Variants in DNAJC13 observed in about 807,000 individuals in gnomAD.
The protein encoded by DNAJC13 is dnaJ homolog subfamily C member 13.
A neutral mutation model predicts 290.5 loss-of-function variants in DNAJC13; 75 were observed. The observed-to-expected ratio is 0.26, with a 90% CI of 0.21 to 0.31. The LOEUF is 0.31. Among genes scored for constraint, DNAJC13 ranks in the 10% least tolerant of loss-of-function variants. The pLI, the probability that DNAJC13 is intolerant of heterozygous loss-of-function variation, is 1.00. For synonymous variants in DNAJC13, 862 were observed against 892.0 expected, an observed-to-expected ratio of 0.97 and a Z score of 0.60; for missense variants, 2,260 against 2,674.5, an observed-to-expected ratio of 0.85 and a Z score of 3.42.
intron 55 of DNAJC13, among the ~76,000 whole-genome samples, chr3:132,532,684 C>G (rs918711803): frequency 2.0e-5 from 3 of 151,130 alleles, no homozygotes; most frequent in African/African-American, 4.9e-5. Context: ...GCATTACATT[C>G]ATTACTTTTT....
intron 14 of DNAJC13, 53 bp downstream of exon 14, chr3:132,460,410 G>A (rs551319188): frequency 2.2e-5 from 28 of 1,288,068 alleles, no homozygotes; most frequent in South Asian, 1.8e-4. Flanking sequence ...ATTATTGAAA[G>A]ATATTCTAGA....
intron 33 of DNAJC13, among the ~76,000 whole-genome samples, chr3:132,493,150 C>T (rs1286141669): frequency 1.3e-5 from 2 of 151,448 alleles, no homozygotes; most frequent in Non-Finnish European, 2.9e-5. Context: ...TCCTGGCACG[C>T]GTAAGAGGCA....
At chr3:132,516,346 C>T (rs959618155) in intron 46 of DNAJC13, 76 bp from the exon 47 acceptor site, 9 of 1,337,272 alleles carry the variant, frequency 6.7e-6, no homozygotes, top group African/African-American at 2.9e-5. Flanking sequence ...TAGTTAAGTG[C>T]CTGGCACAGA....
intron 20 of DNAJC13, among the ~76,000 whole-genome samples, chr3:132,471,348 C>A (rs1474996520): frequency 1.4e-5 from 2 of 143,220 alleles, no homozygotes; most frequent in South Asian, 2.3e-4. Context: ...GGGGTTGACC[C>A]CCCCCCACCT....
chr3:132,538,292 G>C lies in DNAJC13; in HGVS notation c.*10G>C, dbSNP rs73860746. On this transcript the variant is annotated 3_prime_UTR_variant, in exon 56 of 56. Transcript: ENST00000260818. ...TGGCTATCAGACTTGAAATATTCACGAGAGACAATAAACGCTGAAAGGCCA... is the reference window on the plus strand; with the variant it reads ...TGGCTATCAGACTTGAAATATTCACCAGAGACAATAAACGCTGAAAGGCCA... 6 of 1,609,712 alleles carry C rather than the reference G, an allele frequency of 3.7e-6. No individual in the cohort carries two copies. The highest frequency in any genetic ancestry group is 4.2e-6 in the Non-Finnish European group (5 of 1,177,488).
chr3:132,467,495 T>A, intron 20 of DNAJC13, 182 bp downstream of exon 20: 1 of 555,110 alleles, frequency 1.8e-6, no homozygotes, highest in Non-Finnish European at 2.9e-6. Flanking sequence ...AGACAGAGCC[T>A]TGCTCTGTTG....
chr3:132,430,884 A>G (rs769454183), intron 1 of DNAJC13, among the ~76,000 whole-genome samples: 5 of 152,236 alleles, frequency 3.3e-5, no homozygotes, highest in Non-Finnish European at 5.9e-5. Flanking sequence ...ATCCAGAAAC[A>G]GACAAACAAA....
intron 5 of DNAJC13, 103 bp from the exon 6 acceptor site, chr3:132,450,544 C>A: frequency 2.8e-6 from 2 of 716,618 alleles, no homozygotes; most frequent in African/African-American, 1.8e-5. Flanking sequence ...TTTACGATGA[C>A]AGTTAGATTT....
At chr3:132,437,923 C>A (rs1257406965) in intron 2 of DNAJC13, among the ~76,000 whole-genome samples, 1 of 151,886 alleles carries the variant, frequency 6.6e-6, no homozygotes, top group African/African-American at 2.4e-5. Flanking sequence ...TGGCGGCGCT[C>A]CCCTTTAGTC....
At position 132,472,128 on chromosome 3, in the gene DNAJC13, C is replaced by T. The variant is rs58224053; in HGVS notation, c.2209-1017C>T. The stretch of plus-strand genomic sequence containing the variant: ...GCGCGTGCCTGCAATGGCAGGCACT[C>T]GGCAGGCTGAGGCAGGAGAATCAGG... On this transcript the variant is annotated intron_variant, in intron 20 of 55. Coordinates refer to ENST00000260818, the MANE Select transcript of DNAJC13 (RefSeq NM_015268.4). 7.9e-3 allele frequency among the ~76,000 whole-genome samples: 1,183 copies of T among 149,330 alleles called. 7 individuals carry two copies. Among genetic ancestry groups the T allele is most frequent in the African/African-American group, 0.027 (1,101 of 40,990 alleles).
intron 1 of DNAJC13, among the ~76,000 whole-genome samples, chr3:132,434,284 G>A (rs989048883): frequency 6.6e-6 from 1 of 151,480 alleles, no homozygotes; most frequent in Non-Finnish European, 1.5e-5. Context: ...TACTTGGGAG[G>A]CTGACGCAGG....
In DNAJC13 at chr3:132,463,772, C is replaced by T. The variant is rs1333680056; in HGVS notation, c.1847C>T (p.Thr616Ile). ...SEGALPRHLH[T>I]AMFTISSDQR... ...GGTGCCTTACCTCGACACTTGCATA[C>T]TGCGATGTTTACAATAAGCTCAGAT... is the stretch of plus-strand genomic sequence containing the variant. Residue 616 changes from threonine (T) to isoleucine (I), a missense_variant, in exon 17 of 56, where the codon ACT becomes ATT. By Grantham distance (89) the Thr-to-Ile change is moderately conservative. Transcript: ENST00000260818. 1 of 1,613,256 alleles carries T rather than the reference C, an allele frequency of 6.2e-7. No individual in the cohort carries two copies. The highest frequency in any genetic ancestry group is 1.3e-5 in the African/African-American group (1 of 74,894).
chr3:132,432,602 GAAGT>G (rs1939271575), intron 1 of DNAJC13, among the ~76,000 whole-genome samples: 2 of 152,208 alleles, frequency 1.3e-5, no homozygotes, highest in African/African-American at 4.8e-5. Context: ...TATTCAAAAT[GAAGT>G]AAGTGATACA....
At chr3:132,521,839 A>AT (rs1936099054) in intron 48 of DNAJC13, among the ~76,000 whole-genome samples, 1 of 152,254 alleles carries the variant, frequency 6.6e-6, no homozygotes, top group Non-Finnish European at 1.5e-5. Flanking sequence ...ATTATTTAAT[A>AT]TATAACAAAT....
chr3:132,494,940 T>C (rs1387267360), intron 34 of DNAJC13, 148 bp from the exon 35 acceptor site: 1 of 468,188 alleles, frequency 2.1e-6, no homozygotes, highest in Non-Finnish European at 3.6e-6. Context: ...AAAAAAATCT[T>C]AATTCTTTCT....
intron 1 of DNAJC13, among the ~76,000 whole-genome samples, chr3:132,432,273 G>C (rs1398817011): frequency 1.3e-5 from 2 of 151,984 alleles, no homozygotes; most frequent in Non-Finnish European, 2.9e-5. Flanking sequence ...TGCGATCTCG[G>C]CTCACTGCAA....
intron 22 of DNAJC13, 58 bp from the exon 23 acceptor site, chr3:132,477,731 A>G: frequency 7.7e-7 from 1 of 1,296,878 alleles, no homozygotes; most frequent in Non-Finnish European, 1.1e-6. Flanking sequence ...AACAATTATT[A>G]GAAATTGCCA....
At chr3:132,476,188 G>T (rs968959046) in intron 22 of DNAJC13, among the ~76,000 whole-genome samples, 10 of 152,126 alleles carry the variant, frequency 6.6e-5, no homozygotes, top group Admixed American at 3.9e-4. Context: ...TTTATCTCTT[G>T]CTTCGACTTT....
chr3:132,533,925 A>G (rs1047330473), intron 55 of DNAJC13, among the ~76,000 whole-genome samples: 1 of 152,178 alleles, frequency 6.6e-6, no homozygotes, highest in African/African-American at 2.4e-5. Context: ...TTTAGTAACT[A>G]TAGGGAAAAG....
Sources: gnomAD v4.1 joint callset for allele counts (sites outside exome capture counted in the v4.1 genomes callset) on GRCh38, gnomAD v4.1.1 for gene constraint, MANE v1.5 for transcripts, NCBI Gene and HGNC (gene_info 2026-07-23, HGNC 2026-07-21) for gene names.